The following BABAM2 variants were observed in gnomAD, a reference collection of about 807,000 sequenced individuals.
The protein encoded by BABAM2 is BRISC and BRCA1 A complex member 2.
Under a neutral mutation model 54.7 loss-of-function variants are expected in BABAM2, and 31 were observed. That is an observed-to-expected ratio of 0.57 (90% CI 0.43 to 0.77). The LOEUF is 0.77. Ranked by LOEUF, BABAM2 falls within the 30% of genes least tolerant of loss-of-function variation. BABAM2 has a pLI of 0.00. For missense variants in BABAM2, 364 were observed against 455.8 expected, an observed-to-expected ratio of 0.80 and a Z score of 1.83; for synonymous variants, 167 against 162.9, an observed-to-expected ratio of 1.03 and a Z score of -0.19.
chr2:28,321,418 T>C (rs1416579812), intron 11 of BABAM2, among the ~76,000 whole-genome samples: 1 of 152,116 alleles, frequency 6.6e-6, no homozygotes, highest in East Asian at 1.9e-4. Context: ...CTCTAACCCA[T>C]GTTTCTTTTC....
chr2:28,287,467 A>G (rs888418920), intron 10 of BABAM2, among the ~76,000 whole-genome samples: 2 of 152,150 alleles, frequency 1.3e-5, no homozygotes, highest in East Asian at 1.9e-4. Context: ...CCATTTCCTC[A>G]CTAATCAATG....
chr2:28,046,286 C>T (rs1344369705), intron 6 of BABAM2, among the ~76,000 whole-genome samples: 2 of 152,034 alleles, frequency 1.3e-5, no homozygotes, highest in Non-Finnish European at 2.9e-5. Context: ...GAAACCCTGT[C>T]TCTACTAAAA....
In BABAM2 at chr2:27,987,272, G is replaced by A. The variant is rs1377760264; in HGVS notation, c.206-721G>A. ...AGTTTTTGTGAACTATAAGCCATAT[G>A]TTCTTTCCATTATACAAAAGTATGT... On this transcript the variant is annotated intron_variant, in intron 3 of 11. Coordinates refer to ENST00000379624, the MANE Select transcript of BABAM2 (RefSeq NM_199191.3). 2.0e-5 allele frequency among the ~76,000 whole-genome samples: 3 copies of A among 152,160 alleles called. No homozygotes were observed. In the East Asian group the frequency reaches 5.8e-4, roughly 29 times the overall value.
chr2:28,299,474 G>T (rs1248299976), intron 11 of BABAM2, among the ~76,000 whole-genome samples: 2 of 152,124 alleles, frequency 1.3e-5, no homozygotes, highest in African/African-American at 2.4e-5. Context: ...TTATCGCTTG[G>T]AACAGTCATA....
chr2:28,160,710 G>T, intron 7 of BABAM2, among the ~76,000 whole-genome samples: 1 of 144,866 alleles, frequency 6.9e-6, no homozygotes, highest in South Asian at 2.2e-4. Context: ...TAAATTAAAT[G>T]AACATAGAAA....
At chr2:28,296,364 T>C (rs1461770689) in intron 10 of BABAM2, among the ~76,000 whole-genome samples, 2 of 152,230 alleles carry the variant, frequency 1.3e-5, no homozygotes, top group African/African-American at 4.8e-5. Flanking sequence ...GACTGCCCTA[T>C]TGTGGTACTT....
chr2:27,924,434 G>A (rs11886966), intron 2 of BABAM2, among the ~76,000 whole-genome samples: 4 of 152,056 alleles, frequency 2.6e-5, no homozygotes, highest in Non-Finnish European at 5.9e-5. Flanking sequence ...GCCCAGGCTG[G>A]AGTGCAGAGG....
chr2:28,168,964 G>C (rs6738763), intron 7 of BABAM2, among the ~76,000 whole-genome samples: 150,742 of 152,316 alleles, frequency 0.99, 74,617 homozygotes, highest in Middle Eastern at 1. Context: ...GCCACCTGTA[G>C]CCTCTTCTCC....
At position 28,150,838 on chromosome 2, in the gene BABAM2, C is replaced by T. The variant is rs183699707; in HGVS notation, c.680+21458C>T. 5.3e-5 allele frequency among the ~76,000 whole-genome samples: 8 copies of T among 152,242 alleles called. No individual in the cohort carries two copies. The East Asian group carries it at 1.5e-3, about 29-fold the overall frequency. On this transcript the variant is annotated intron_variant, in intron 7 of 11. Coordinates refer to ENST00000379624, the MANE Select transcript of BABAM2 (RefSeq NM_199191.3). Reference sequence around the variant, plus strand: ...ATGAGAAGTGAACTGGATGGTCCTCCCAGCAACTGCAGTTTCATTCTTTAT... The same window carrying T: ...ATGAGAAGTGAACTGGATGGTCCTCTCAGCAACTGCAGTTTCATTCTTTAT...
intron 6 of BABAM2, among the ~76,000 whole-genome samples, chr2:28,114,077 C>T (rs1668377169): frequency 6.6e-6 from 1 of 152,138 alleles, no homozygotes; most frequent in Admixed American, 6.6e-5. Flanking sequence ...ACTGAATGGG[C>T]AAAAGCTGGC....
intron 3 of BABAM2, among the ~76,000 whole-genome samples, chr2:27,970,832 G>A (rs553519811): frequency 6.6e-6 from 1 of 151,534 alleles, no homozygotes; most frequent in Non-Finnish European, 1.5e-5. Flanking sequence ...TTTTCTTTTT[G>A]TTTTTGGTTA....
At chr2:28,266,286 C>T (rs1573964364) in intron 10 of BABAM2, among the ~76,000 whole-genome samples, 1 of 152,330 alleles carries the variant, frequency 6.6e-6, no homozygotes. Flanking sequence ...CGTACCCAGC[C>T]ACCTTTCTTC....
At chr2:27,915,733 A>G (rs1666920869) in intron 2 of BABAM2, among the ~76,000 whole-genome samples, 1 of 152,204 alleles carries the variant, frequency 6.6e-6, no homozygotes, top group Non-Finnish European at 1.5e-5. Flanking sequence ...GAATCCTTTA[A>G]TGACACTTCA....
chr2:27,951,140 T>A (rs1435795175), intron 3 of BABAM2, among the ~76,000 whole-genome samples: 1 of 152,210 alleles, frequency 6.6e-6, no homozygotes, highest in Non-Finnish European at 1.5e-5. Context: ...TTCTCTGTTG[T>A]ATTTCTGTTT....
chr2:28,248,646 C>G (rs1475472188), intron 10 of BABAM2, among the ~76,000 whole-genome samples: 10 of 152,166 alleles, frequency 6.6e-5, no homozygotes, highest in Admixed American at 3.3e-4. Context: ...AGTAGACACA[C>G]AAGGAGGCAG....
intron 11 of BABAM2, among the ~76,000 whole-genome samples, chr2:28,338,231 C>T (rs1691639137): frequency 6.6e-6 from 1 of 152,186 alleles, no homozygotes; most frequent in Admixed American, 6.5e-5. Context: ...CACGTACAGG[C>T]CCTTTGAATA....
At chr2:28,083,291 G>T (rs867603105) in intron 6 of BABAM2, among the ~76,000 whole-genome samples, 16 of 152,102 alleles carry the variant, frequency 1.1e-4, no homozygotes, top group African/African-American at 3.9e-4. Flanking sequence ...GCTTAGCCTT[G>T]TCTCAAAGAC....
At chr2:27,891,596 G>A (rs1295374177) in intron 1 of BABAM2, among the ~76,000 whole-genome samples, 1 of 151,960 alleles carries the variant, frequency 6.6e-6, no homozygotes, top group Non-Finnish European at 1.5e-5. Context: ...AGTTACTACC[G>A]GTGGTGACTC....
intron 10 of BABAM2, among the ~76,000 whole-genome samples, chr2:28,263,650 G>A (rs1431909762): frequency 1.3e-5 from 2 of 152,146 alleles, no homozygotes; most frequent in Non-Finnish European, 2.9e-5. Flanking sequence ...AAAGGAGTTG[G>A]GGAGCACAGT....
Sources: gnomAD v4.1 joint callset for allele counts (sites outside exome capture counted in the v4.1 genomes callset) on GRCh38, gnomAD v4.1.1 for gene constraint, MANE v1.5 for transcripts, NCBI Gene and HGNC (gene_info 2026-07-23, HGNC 2026-07-21) for gene names.